MINK1: variants seen among roughly 807,000 people sequenced by gnomAD.
MINK1 encodes the protein misshapen-like kinase 1.
In MINK1, 46 loss-of-function variants were observed where a neutral mutation model predicts 178.4. The observed-to-expected ratio is 0.26, with a 90% confidence interval of 0.20 to 0.33. The LOEUF (loss-of-function observed/expected upper bound fraction) is 0.33, where lower values mean the gene tolerates loss of function less well. Ranked by LOEUF, MINK1 falls within the 10% of genes least tolerant of loss-of-function variation. MINK1 has a pLI of 1.00. For synonymous variants in MINK1, 797 were observed against 709.7 expected, an observed-to-expected ratio of 1.12 and a Z score of -1.96; for missense variants, 1,366 against 1,814.9, an observed-to-expected ratio of 0.75 and a Z score of 4.49.
intron 16 of MINK1, 72 bp from the exon 17 acceptor site, chr17:4,892,077 G>A: frequency 7.7e-7 from 1 of 1,298,668 alleles, no homozygotes. Flanking sequence ...TCACCTCTCA[G>A]AGGTGAGGCT....
intron 1 of MINK1, among the ~76,000 whole-genome samples, chr17:4,866,709 C>T (rs1915036054): frequency 6.6e-6 from 1 of 151,966 alleles, no homozygotes; most frequent in African/African-American, 2.4e-5. Context: ...CAGCCTGAGA[C>T]GGCAGTGAGC....
In MINK1 at chr17:4,896,946, G is replaced by C; in HGVS notation, c.3915+133G>C. On this transcript the variant is annotated intron_variant, in intron 31 of 31. Coordinates refer to ENST00000355280, the MANE Select transcript of MINK1 (RefSeq NM_153827.5). This position sits in a 1 kb window ranked among gnomAD's most constrained non-coding sequence, Gnocchi z 4.6. ...GGCCCCTCTGGGAGCTCAGAGGGCAGTCAGCCACTACCACTGCCCTGCGCT... is the reference window on the plus strand; with the variant it reads ...GGCCCCTCTGGGAGCTCAGAGGGCACTCAGCCACTACCACTGCCCTGCGCT... 1 of 1,222,764 alleles carries C rather than the reference G, an allele frequency of 8.2e-7. No homozygotes were observed. Among genetic ancestry groups the C allele is most frequent in the South Asian group, 1.6e-5 (1 of 61,702 alleles). 75.7% of individuals were successfully genotyped at this position (1,222,764 alleles called of 1,614,324 possible).
intron 1 of MINK1, among the ~76,000 whole-genome samples, chr17:4,865,096 T>C (rs1248521295): frequency 3.7e-5 from 5 of 135,894 alleles, no homozygotes; most frequent in Non-Finnish European, 5.9e-5. Flanking sequence ...TTATCTTTAC[T>C]TTTTTATCTT....
intron 1 of MINK1, among the ~76,000 whole-genome samples, chr17:4,841,113 G>T (rs1484632811): frequency 6.6e-6 from 1 of 152,124 alleles, no homozygotes; most frequent in Admixed American, 6.5e-5. Flanking sequence ...GACGTGGGGA[G>T]TGTCTGTGGT....
At chr17:4,889,932 AC>A (rs1018460146) in intron 13 of MINK1, 169 bp downstream of exon 13, 33 of 549,634 alleles carry the variant, frequency 6.0e-5, no homozygotes, top group Non-Finnish European at 8.7e-5. Flanking sequence ...CCCAACCCTG[AC>A]CCCCTCCCTC....
In MINK1 at chr17:4,850,006, G is replaced by T. The variant is rs145801721; in HGVS notation, c.57+16366G>T. 3.4e-3 allele frequency among the ~76,000 whole-genome samples: 524 copies of T among 152,216 alleles called. 1 individual carries two copies. Among genetic ancestry groups the T allele is most frequent in the Non-Finnish European group, 6.4e-3 (434 of 68,018 alleles). On this transcript the variant is annotated intron_variant, in intron 1 of 31. Transcript: ENST00000355280. Reference sequence around the variant, plus strand: ...CTGTCATCCAGGCTGTAGTGCAGTGGCGCAAGCGTGGCTCACTGCAGCCTC... The same window carrying T: ...CTGTCATCCAGGCTGTAGTGCAGTGTCGCAAGCGTGGCTCACTGCAGCCTC...
chr17:4,855,241 C>G (rs1912842041), intron 1 of MINK1, among the ~76,000 whole-genome samples: 1 of 149,532 alleles, frequency 6.7e-6, no homozygotes, highest in Non-Finnish European at 1.5e-5. Context: ...AATCCCAGCA[C>G]TTTGGGAGGC....
chr17:4,834,687 C>CAG (rs1909020893), intron 1 of MINK1: 2 of 510,384 alleles, frequency 3.9e-6, no homozygotes, highest in Admixed American at 2.0e-5. Flanking sequence ...GTGAACACTC[C>CAG]AGACTATCAG....
intron 1 of MINK1, among the ~76,000 whole-genome samples, chr17:4,849,157 G>C (rs1911521934): frequency 6.6e-6 from 1 of 152,152 alleles, no homozygotes; most frequent in African/African-American, 2.4e-5. Context: ...TCTCCTGAAA[G>C]TCTTCCAGCG....
Position 4,886,059 on chromosome 17 carries a change from G to GGGTGGGTCCTGGGACCCTGCCGAA in MINK1, c.695-60_695-59insGTGGGTCCTGGGACCCTGCCGAAG. ...GAGGTGGGTCCTGGGACCCTGCCGAGGAAGGGTCCTGTAGCTCCCAGTGCA... is the reference window on the plus strand; with the variant it reads ...GAGGTGGGTCCTGGGACCCTGCCGAGGGTGGGTCCTGGGACCCTGCCGAAGAAGGGTCCTGTAGCTCCCAGTGCA... On this transcript the variant is annotated intron_variant, in intron 8 of 31. Transcript: ENST00000355280. This position sits in a 1 kb window ranked among gnomAD's most constrained non-coding sequence, Gnocchi z 6.1. The GGGTGGGTCCTGGGACCCTGCCGAA allele has an allele frequency of 6.2e-7, 1 of 1,610,584 alleles. No homozygotes were observed. Among genetic ancestry groups the GGGTGGGTCCTGGGACCCTGCCGAA allele is most frequent in the Non-Finnish European group, 8.5e-7 (1 of 1,176,870 alleles).
intron 15 of MINK1, 99 bp downstream of exon 15, chr17:4,891,223 C>CACACACACAA: frequency 8.6e-7 from 1 of 1,163,664 alleles, no homozygotes; most frequent in South Asian, 1.6e-5. Context: ...CACACACACA[C>CACACACACAA]ACCTGCTCAG....
At position 4,892,515 on chromosome 17, in the gene MINK1, A is replaced by G. The variant is rs1254439883; in HGVS notation, c.2198+3A>G. 6.4e-7 allele frequency: 1 copy of G among 1,550,498 alleles called. No individual in the cohort carries two copies. The highest frequency in any genetic ancestry group is 1.9e-5 in the Admixed American group (1 of 52,530). ...CCTGGCCCGCCCAACGCCTCTAGGT[A>G]ATAGAGTTGTCCCCCAACTCACTCT... On this transcript the variant is annotated splice_donor_region_variant and intron_variant, in intron 18 of 31. Transcript: ENST00000355280.
intron 1 of MINK1, among the ~76,000 whole-genome samples, chr17:4,865,539 T>C (rs993252898): frequency 7.2e-5 from 11 of 151,966 alleles, no homozygotes; most frequent in Non-Finnish European, 1.0e-4. Flanking sequence ...CAAATGTGCC[T>C]ATGTGGAACA....
chr17:4,887,029 G>A lies in MINK1; in HGVS notation c.950-81G>A. 1 of 1,450,450 alleles carries A rather than the reference G, an allele frequency of 6.9e-7. No homozygotes were observed. The highest frequency in any genetic ancestry group is 2.0e-5 in the Admixed American group (1 of 49,896). The allele number at this position is 1,450,450 out of a possible 1,614,324, so 89.8% of individuals were successfully genotyped here. On this transcript the variant is annotated intron_variant, in intron 10 of 31. Transcript: ENST00000355280. The surrounding 1 kb of genome is among the most constrained non-coding windows in gnomAD (Gnocchi z 7.6). ...ATGCTTGCCCAGCCAGAGAGACCTGGTTATCCCCACCCAAGGTTTCCCTAG... is the reference window on the plus strand; with the variant it reads ...ATGCTTGCCCAGCCAGAGAGACCTGATTATCCCCACCCAAGGTTTCCCTAG...
Position 4,861,784 on chromosome 17 carries a change from G to C in MINK1, c.58-16533G>C, listed in dbSNP as rs556521759. ...CCAAGGTGCTGGGATTACAGGGTGA[G>C]CCACCATGCCCGGCCCAACCAAAGA... is the stretch of plus-strand genomic sequence containing the variant. On this transcript the variant is annotated intron_variant, in intron 1 of 31. Coordinates refer to ENST00000355280, the MANE Select transcript of MINK1 (RefSeq NM_153827.5). The C allele has an allele frequency of 2.3e-5, 4 of 171,624 alleles. No homozygotes were observed. The South Asian group carries it at 3.5e-4, about 15-fold the overall frequency. 10.6% of individuals were successfully genotyped at this position (171,624 alleles called of 1,614,324 possible). A position where few individuals can be genotyped will look rare whatever the true frequency, so the allele number is the denominator to read the frequency against.
In MINK1 at chr17:4,885,396, G is replaced by A. The variant is rs1345779918; in HGVS notation, c.509-87G>A. 6.4e-7 allele frequency: 1 copy of A among 1,555,124 alleles called. No homozygotes were observed. Among genetic ancestry groups the A allele is most frequent in the Non-Finnish European group, 8.8e-7 (1 of 1,142,536 alleles). ...TCGGGCCAGGACCACAGCTGGCTCA[G>A]GCAAGTCCTGTGTGTGCACGCAGGG... On this transcript the variant is annotated intron_variant, in intron 6 of 31. Coordinates refer to ENST00000355280, the MANE Select transcript of MINK1 (RefSeq NM_153827.5). The surrounding 1 kb of genome is among the most constrained non-coding windows in gnomAD (Gnocchi z 5.0).
chr17:4,893,230 C>T (rs1184665002), intron 20 of MINK1, 163 bp downstream of exon 20: 14 of 1,608,390 alleles, frequency 8.7e-6, no homozygotes, highest in Non-Finnish European at 1.2e-5. Flanking sequence ...AACCTCTCTC[C>T]TAACCTCTCT....
In MINK1 at chr17:4,885,861, A is replaced by G; in HGVS notation, c.640-50A>G. The G allele has an allele frequency of 6.3e-7, 1 of 1,598,570 alleles. No homozygotes were observed. Among genetic ancestry groups the G allele is most frequent in the South Asian group, 1.1e-5 (1 of 90,504 alleles). The stretch of plus-strand genomic sequence containing the variant: ...AGGATGGTGGGTGAAGAGAGGTTGC[A>G]GGGCAGAGTTGTCAGGAATATTCAC... On this transcript the variant is annotated intron_variant, in intron 7 of 31. Coordinates refer to ENST00000355280, the MANE Select transcript of MINK1 (RefSeq NM_153827.5). The surrounding 1 kb of genome is among the most constrained non-coding windows in gnomAD (Gnocchi z 5.0).
At chr17:4,890,385 G>A (rs1968669053) in intron 13 of MINK1, 132 bp from the exon 14 acceptor site, 1 of 1,453,670 alleles carries the variant, frequency 6.9e-7, no homozygotes, top group African/African-American at 1.4e-5. Flanking sequence ...AACACTTCAA[G>A]GGAAGGGATT....
Sources: allele counts gnomAD v4.1 joint callset (sites outside exome capture counted in the v4.1 genomes callset), GRCh38; gene constraint gnomAD v4.1.1; non-coding constraint Gnocchi (gnomAD v3.1); transcripts MANE v1.5; gene names NCBI Gene and HGNC (gene_info 2026-07-23, HGNC 2026-07-21).